ROBO2: variants seen among roughly 807,000 people sequenced by gnomAD.
ROBO2 encodes the protein roundabout homolog 2.
Under a neutral mutation model 160.8 loss-of-function variants are expected in ROBO2, and 53 were observed. That is an observed-to-expected ratio of 0.33 (90% confidence interval 0.26 to 0.41). The LOEUF is 0.41. ROBO2 is among the 10% of genes least tolerant of loss of function. The pLI, the probability that ROBO2 is intolerant of heterozygous loss-of-function variation, is 1.00. For synonymous variants in ROBO2, 664 were observed against 611.7 expected (o/e 1.09, Z -1.26); for missense variants, 1,577 against 1,722.4 (o/e 0.92, Z 1.49).
At chr3:77,262,788 T>A (rs2058860168) in intron 2 of ROBO2, among the ~76,000 whole-genome samples, 2 of 152,152 alleles carry the variant, frequency 1.3e-5, no homozygotes, top group East Asian at 1.9e-4. Flanking sequence ...AATAGGCAGA[T>A]CTGATCCTCC....
chr3:76,367,029 A>C (rs1576702052), intron 2 of ROBO2, among the ~76,000 whole-genome samples: 1 of 152,060 alleles, frequency 6.6e-6, no homozygotes, highest in Admixed American at 6.6e-5. Flanking sequence ...AAATAATGTC[A>C]TAAGCAATTT....
chr3:77,120,561 T>C (rs1199270286), intron 2 of ROBO2, among the ~76,000 whole-genome samples: 1 of 147,512 alleles, frequency 6.8e-6, no homozygotes, highest in Non-Finnish European at 1.5e-5. Context: ...TCTGTGAATT[T>C]AAGATTAGCC....
chr3:77,627,828 G>C (rs1397274031), intron 23 of ROBO2, among the ~76,000 whole-genome samples: 1 of 152,130 alleles, frequency 6.6e-6, no homozygotes, highest in Non-Finnish European at 1.5e-5. Flanking sequence ...TCATAAAAAT[G>C]GTAATGCAAC....
rs77474894 is a variant in ROBO2, at chr3:76,725,832, G to A, written c.110-372182G>A. On this transcript the variant is annotated intron_variant, in intron 2 of 26. Coordinates refer to the ROBO2 transcript ENST00000487694. ...TTATTTCCCCTAGAGTATCCACAGA[G>A]GAGCAATGAGCCTTCGGAATCTTTC... is the stretch of plus-strand genomic sequence containing the variant. Among the ~76,000 whole-genome samples, 9 of 152,272 alleles carry A rather than the reference G, an allele frequency of 5.9e-5. No individual in the cohort carries two copies. In the East Asian group the frequency reaches 1.7e-3, roughly 29 times the overall value.
At chr3:76,290,568 G>T (rs893124575) in intron 2 of ROBO2, among the ~76,000 whole-genome samples, 4 of 152,138 alleles carry the variant, frequency 2.6e-5, no homozygotes, top group African/African-American at 9.7e-5. Flanking sequence ...TGGAATAGGA[G>T]TGGGAAGAAT....
At chr3:77,383,636 G>A (rs948919318) in intron 2 of ROBO2, among the ~76,000 whole-genome samples, 7 of 152,014 alleles carry the variant, frequency 4.6e-5, no homozygotes, top group African/African-American at 1.7e-4. Flanking sequence ...GTTTGTTTAA[G>A]TCCCTAAAGG....
chr3:76,537,924 G>A (rs1471333396), intron 2 of ROBO2, among the ~76,000 whole-genome samples: 1 of 152,098 alleles, frequency 6.6e-6, no homozygotes, highest in East Asian at 1.9e-4. Flanking sequence ...CTGTCCAGGA[G>A]AAGAATGTCC....
intron 2 of ROBO2, chr3:76,434,884 G>A: frequency 6.3e-7 from 1 of 1,591,854 alleles, no homozygotes. Flanking sequence ...CCAGTATGCA[G>A]TGGCCCCAAG....
At chr3:77,414,410 A>G (rs2077046756) in intron 2 of ROBO2, among the ~76,000 whole-genome samples, 2 of 152,362 alleles carry the variant, frequency 1.3e-5, no homozygotes, top group Non-Finnish European at 2.9e-5. Context: ...AGTACGGGGA[A>G]GAAGGAAAAT....
At chr3:77,046,055 C>A (rs2064633081) in intron 1 of ROBO2, among the ~76,000 whole-genome samples, 1 of 152,128 alleles carries the variant, frequency 6.6e-6, no homozygotes, top group African/African-American at 2.4e-5. Context: ...ATAGATATTG[C>A]TGCTTTGAAC....
At chr3:77,038,262 A>G (rs1184477273), upstream of ROBO2, among the ~76,000 whole-genome samples, 1 of 152,206 alleles carries the variant, frequency 6.6e-6, no homozygotes, top group Non-Finnish European at 1.5e-5. Context: ...AACCGAATGC[A>G]CTTTTTTCTT....
Position 76,705,469 on chromosome 3 carries a change from G to A in ROBO2, c.110-392545G>A, listed in dbSNP as rs575014310. Among the ~76,000 whole-genome samples the A allele has an allele frequency of 1.3e-4, 20 of 152,066 alleles. 1 individual carries two copies. The highest frequency in any genetic ancestry group is 2.6e-4 in the Non-Finnish European group (18 of 68,006). On this transcript the variant is annotated intron_variant, in intron 2 of 26. Transcript: ENST00000487694. ...TAGAGAGTGTACATTCAAGAAAGAA[G>A]AGGGCATGAGCAGCATCCAATGATG...
intron 2 of ROBO2, among the ~76,000 whole-genome samples, chr3:76,102,301 T>A (rs1009246591): frequency 6.6e-6 from 1 of 152,174 alleles, no homozygotes; most frequent in African/African-American, 2.4e-5. Flanking sequence ...CATTTGGATA[T>A]ACTGGACTAT....
chr3:77,554,800 A>G (rs151137538), intron 8 of ROBO2, among the ~76,000 whole-genome samples: 51 of 152,158 alleles, frequency 3.4e-4, no homozygotes, highest in African/African-American at 1.1e-3. Context: ...ATCTACTTCT[A>G]TTCAAGATTG....
chr3:76,596,576 A>G (rs758680852), intron 2 of ROBO2, among the ~76,000 whole-genome samples: 2 of 152,148 alleles, frequency 1.3e-5, no homozygotes, highest in Non-Finnish European at 2.9e-5. Context: ...TCACAAGCTG[A>G]GAAAACACAG....
intron 2 of ROBO2, among the ~76,000 whole-genome samples, chr3:76,260,785 A>G (rs1485303691): frequency 6.6e-6 from 1 of 152,132 alleles, no homozygotes; most frequent in African/African-American, 2.4e-5. Flanking sequence ...ACCATCACAC[A>G]CAATTTGCAT....
chr3:77,462,775 CTGCAAG>C (rs1439907730), intron 2 of ROBO2, among the ~76,000 whole-genome samples: 1 of 149,442 alleles, frequency 6.7e-6, no homozygotes, highest in African/African-American at 2.5e-5. Context: ...TTTTTTTTTC[CTGCAAG>C]TGCATTTGTT....
intron 2 of ROBO2, among the ~76,000 whole-genome samples, chr3:76,077,831 G>T (rs1033738561): frequency 6.6e-6 from 1 of 152,132 alleles, no homozygotes; most frequent in East Asian, 1.9e-4. Flanking sequence ...AGCAAAGTGA[G>T]TTGGAAGATC....
intron 2 of ROBO2, among the ~76,000 whole-genome samples, chr3:76,654,756 A>G (rs557793191): frequency 1.3e-5 from 2 of 152,018 alleles, no homozygotes; most frequent in South Asian, 2.1e-4. Context: ...CCAGAGATCT[A>G]TTTTGGGTAG....
Sources: allele counts gnomAD v4.1 joint callset (sites outside exome capture counted in the v4.1 genomes callset), GRCh38; gene constraint gnomAD v4.1.1; transcripts MANE v1.5; gene names NCBI Gene and HGNC (gene_info 2026-07-23, HGNC 2026-07-21).